Variants in IL1RAPL1 observed in about 807,000 individuals in gnomAD.
The protein encoded by IL1RAPL1 is interleukin 1 receptor accessory protein like 1.
Under a neutral mutation model 48.4 loss-of-function variants are expected in IL1RAPL1, and 3 were observed. The observed-to-expected ratio is 0.06, with a 90% CI of 0.03 to 0.16. The LOEUF (loss-of-function observed/expected upper bound fraction) is 0.16, where lower values mean the gene tolerates loss of function less well. Among genes scored for constraint, IL1RAPL1 ranks in the 10% least tolerant of loss-of-function variants. IL1RAPL1 has a pLI of 1.00. For synonymous variants in IL1RAPL1, 185 were observed against 187.7 expected, an observed-to-expected ratio of 0.99 and a Z score of 0.12; for missense variants, 349 against 530.6, an observed-to-expected ratio of 0.66 and a Z score of 3.36.
At chrX:29,900,245 T>A (rs1932470397) in intron 6 of IL1RAPL1, among the ~76,000 whole-genome samples, 2 of 112,499 alleles carry the variant, frequency 1.8e-5, no homozygotes, top group South Asian at 7.4e-4. Context: ...GCATTAGCCA[T>A]CATGATTTCC....
At chrX:28,640,705 A>T (rs1296375064) in intron 1 of IL1RAPL1, among the ~76,000 whole-genome samples, 2 of 62,150 alleles carry the variant, frequency 3.2e-5, no homozygotes, top group African/African-American at 1.2e-4. Flanking sequence ...GTGATGAAGA[A>T]ACTGAGCCTC....
At chrX:28,903,958 TTA>T (rs965575565) in intron 2 of IL1RAPL1, among the ~76,000 whole-genome samples, 5 of 109,959 alleles carry the variant, frequency 4.5e-5, no homozygotes, top group Non-Finnish European at 7.6e-5. Context: ...TATTATATAT[TTA>T]TATATGTGTG....
At chrX:29,601,778 G>A (rs138692904) in intron 5 of IL1RAPL1, among the ~76,000 whole-genome samples, 1,219 of 111,985 alleles carry the variant, frequency 0.011, 15 homozygotes, top group African/African-American at 0.038. Flanking sequence ...ATGGTGAAGG[G>A]CAACACAACA....
chrX:28,641,311 G>T (rs1934537858), intron 1 of IL1RAPL1, among the ~76,000 whole-genome samples: 2 of 109,922 alleles, frequency 1.8e-5, no homozygotes, highest in South Asian at 7.9e-4. Context: ...GGGAACATGT[G>T]GTGTTTGGTT....
chrX:28,925,186 G>A (rs1423479377), intron 2 of IL1RAPL1, among the ~76,000 whole-genome samples: 1 of 111,314 alleles, frequency 9.0e-6, no homozygotes, highest in Non-Finnish European at 1.9e-5. Flanking sequence ...ATTTCCATGT[G>A]ACTTAATAGC....
chrX:29,712,335 A>T (rs990476039), intron 6 of IL1RAPL1, among the ~76,000 whole-genome samples: 6 of 111,572 alleles, frequency 5.4e-5, no homozygotes. Context: ...GCTTCAGTAG[A>T]TAATTTATAA....
chrX:28,665,711 G>A (rs930676582), intron 1 of IL1RAPL1, among the ~76,000 whole-genome samples: 1 of 111,079 alleles, frequency 9.0e-6, no homozygotes, highest in Non-Finnish European at 1.9e-5. Flanking sequence ...GGCTGGTCTC[G>A]AACTCCTGAC....
intron 1 of IL1RAPL1, among the ~76,000 whole-genome samples, chrX:28,785,560 CTTGA>C (rs1266398018): frequency 2.7e-5 from 3 of 112,026 alleles, no homozygotes; most frequent in Non-Finnish European, 5.6e-5. Context: ...TTTTCTCCCT[CTTGA>C]TTCATTTTGC....
At chrX:28,983,430 C>G (rs1925390095) in intron 2 of IL1RAPL1, among the ~76,000 whole-genome samples, 2 of 111,806 alleles carry the variant, frequency 1.8e-5, no homozygotes, top group Non-Finnish European at 3.8e-5. Flanking sequence ...TTCAATATTC[C>G]TCTAGCAGTG....
rs142840407 is a variant in IL1RAPL1 at position 29,639,823 on chromosome X, C to T, written c.704-28607C>T. ...CTGGCTAAAAATCAAATACCTTATA[C>T]CCAGAGTATTAGATATGCATCAGCG... On this transcript the variant is annotated intron_variant, in intron 5 of 10. Transcript: ENST00000378993. 4.2e-3 allele frequency among the ~76,000 whole-genome samples: 469 copies of T among 111,683 alleles called. 3 individuals are homozygous for T. Among genetic ancestry groups the T allele is most frequent in the African/African-American group, 0.014 (445 of 30,752 alleles).
chrX:29,936,518 AACACACACACACACACACACACACAC>A (rs55890071), intron 8 of IL1RAPL1, among the ~76,000 whole-genome samples: 3 of 93,459 alleles, frequency 3.2e-5, no homozygotes, highest in African/African-American at 7.8e-5. Flanking sequence ...TATATATAGG[AACACACACACACACACACACACACAC>A]ACACACACAC....
intron 2 of IL1RAPL1, among the ~76,000 whole-genome samples, chrX:29,175,170 G>A (rs225451): frequency 0.47 from 52,001 of 109,822 alleles, 9,194 homozygotes; most frequent in Non-Finnish European, 0.55. Flanking sequence ...GCTCAAAATG[G>A]ATATTGGTTG....
intron 1 of IL1RAPL1, among the ~76,000 whole-genome samples, chrX:28,637,234 A>C (rs1360606860): frequency 9.0e-6 from 1 of 110,929 alleles, no homozygotes; most frequent in East Asian, 2.8e-4. Flanking sequence ...AGCCCTTTCT[A>C]ATCTCTGATT....
chrX:28,669,431 C>T (rs1934921806), intron 1 of IL1RAPL1, among the ~76,000 whole-genome samples: 1 of 108,889 alleles, frequency 9.2e-6, no homozygotes, highest in South Asian at 3.9e-4. Flanking sequence ...CCAGACTGGC[C>T]AACATGGTGA....
chrX:29,821,085 C>T (rs922499706), intron 6 of IL1RAPL1, among the ~76,000 whole-genome samples: 4 of 111,595 alleles, frequency 3.6e-5, no homozygotes, highest in African/African-American at 9.8e-5. Flanking sequence ...TAATAGCTGA[C>T]GTTGAAAAGA....
chrX:28,671,852 A>G lies in IL1RAPL1; in HGVS notation c.-25+83805A>G, dbSNP rs970984208. On this transcript the variant is annotated intron_variant, in intron 1 of 10. Coordinates refer to ENST00000378993, the MANE Select transcript of IL1RAPL1 (RefSeq NM_014271.4). ...CCCAGTGCTTTCCTAAACGAGTTTT[A>G]TAGTATTCAGAGCATAGTGTTAAAT... Among the ~76,000 whole-genome samples the G allele has an allele frequency of 1.4e-4, 16 of 112,479 alleles. No homozygotes were observed. The Admixed American group carries it at 1.5e-3, about 11-fold the overall frequency.
rs181626285 is a variant in IL1RAPL1 at position 29,633,504 on chromosome X, T to C, written c.704-34926T>C. ...ACACACACACACACACACACACACATATATATGATAGATTGAACTCAAATA... is the reference window on the plus strand; with the variant it reads ...ACACACACACACACACACACACACACATATATGATAGATTGAACTCAAATA... On this transcript the variant is annotated intron_variant, in intron 5 of 10. Transcript: ENST00000378993. Among the ~76,000 whole-genome samples, 938 of 102,374 alleles carry C rather than the reference T, an allele frequency of 9.2e-3. 15 individuals carry two copies. The highest frequency in any genetic ancestry group is 0.033 in the African/African-American group (852 of 26,102). The allele number at this position is 102,374 out of a possible 115,157, so 88.9% of individuals were successfully genotyped here.
chrX:28,882,517 C>T (rs756869172), intron 2 of IL1RAPL1, among the ~76,000 whole-genome samples: 301 of 111,390 alleles, frequency 2.7e-3, no homozygotes, highest in African/African-American at 9.5e-3. Flanking sequence ...GTGGTGCACA[C>T]CTGTAATCCC....
intron 5 of IL1RAPL1, among the ~76,000 whole-genome samples, chrX:29,623,442 A>G (rs1602332023): frequency 8.9e-6 from 1 of 111,937 alleles, no homozygotes. Flanking sequence ...GTAAGATCCC[A>G]TTCACACTTA....
Sources: allele counts gnomAD v4.1 joint callset (sites outside exome capture counted in the v4.1 genomes callset), GRCh38; gene constraint gnomAD v4.1.1; transcripts MANE v1.5; gene names NCBI Gene and HGNC (gene_info 2026-07-23, HGNC 2026-07-21).